Variants in PRKN observed in about 807,000 individuals in gnomAD.
PRKN encodes the protein parkin RBR E3 ubiquitin protein ligase.
A neutral mutation model predicts 59.5 loss-of-function variants in PRKN; 56 were observed. The observed-to-expected ratio is 0.94, with a 90% CI of 0.76 to 1.18. The LOEUF (loss-of-function observed/expected upper bound fraction) is 1.18. Among genes scored for constraint, PRKN ranks in the 50% most tolerant of loss-of-function variants. The pLI, the probability that PRKN is intolerant of heterozygous loss-of-function variation, is 0.00. For missense variants in PRKN, 657 were observed against 596.4 expected (o/e 1.10, Z -1.06); for synonymous variants, 250 against 222.1 (o/e 1.13, Z -1.12).
At chr6:162,075,876 T>TC (rs960208724) in intron 4 of PRKN, among the ~76,000 whole-genome samples, 1 of 151,950 alleles carries the variant, frequency 6.6e-6, no homozygotes, top group Admixed American at 6.5e-5. Flanking sequence ...CCCCATCTTT[T>TC]CACTGAACCG....
intron 4 of PRKN, among the ~76,000 whole-genome samples, chr6:162,096,559 C>A (rs1470911225): frequency 1.3e-5 from 2 of 152,136 alleles, no homozygotes; most frequent in African/African-American, 2.4e-5. Flanking sequence ...AGGCACCTGG[C>A]AGAAGATAAC....
At chr6:162,570,350 T>C (rs773216012) in intron 1 of PRKN, among the ~76,000 whole-genome samples, 5 of 152,314 alleles carry the variant, frequency 3.3e-5, no homozygotes, top group Non-Finnish European at 4.4e-5. Flanking sequence ...CCTCATATAC[T>C]GTTGGTGAAA....
At chr6:161,537,604 A>G in intron 9 of PRKN, among the ~76,000 whole-genome samples, 1 of 151,938 alleles carries the variant, frequency 6.6e-6, no homozygotes, top group Non-Finnish European at 1.5e-5. Flanking sequence ...GGCACCCGCC[A>G]CCATGCTCGG....
chr6:162,343,941 A>G (rs1562688143), intron 2 of PRKN, among the ~76,000 whole-genome samples: 1 of 152,196 alleles, frequency 6.6e-6, no homozygotes, highest in Non-Finnish European at 1.5e-5. Flanking sequence ...GTTATTTAAT[A>G]TATTAGAAAA....
At chr6:162,122,576 T>G (rs992502939) in intron 4 of PRKN, among the ~76,000 whole-genome samples, 1 of 152,086 alleles carries the variant, frequency 6.6e-6, no homozygotes, top group African/African-American at 2.4e-5. Flanking sequence ...AGTATGGCAA[T>G]GGGATCATGT....
chr6:162,397,867 T>C (rs1308109208), intron 2 of PRKN, among the ~76,000 whole-genome samples: 2 of 151,824 alleles, frequency 1.3e-5, no homozygotes, highest in Non-Finnish European at 2.9e-5. Context: ...TGAAACCCCA[T>C]CTCTAGTAAA....
intron 1 of PRKN, among the ~76,000 whole-genome samples, chr6:162,654,700 G>C (rs746323486): frequency 1.3e-5 from 2 of 152,056 alleles, no homozygotes; most frequent in Non-Finnish European, 2.9e-5. Context: ...CCTGAGACTG[G>C]GTAATTTATT....
At chr6:161,878,703 C>T (rs1583290065) in intron 6 of PRKN, among the ~76,000 whole-genome samples, 1 of 152,236 alleles carries the variant, frequency 6.6e-6, no homozygotes, top group African/African-American at 2.4e-5. Flanking sequence ...GGTGGCAGAC[C>T]CCAAAGCCAG....
intron 2 of PRKN, among the ~76,000 whole-genome samples, chr6:162,400,571 A>G (rs974888382): frequency 9.2e-5 from 14 of 152,180 alleles, no homozygotes; most frequent in African/African-American, 3.4e-4. Context: ...TTTTTTGGAA[A>G]AAACCGAACT....
At chr6:162,112,335 T>C (rs561379883) in intron 4 of PRKN, among the ~76,000 whole-genome samples, 4 of 152,330 alleles carry the variant, frequency 2.6e-5, no homozygotes, top group South Asian at 2.1e-4. Context: ...AATAATTTTA[T>C]AGGTATTCAT....
At chr6:161,902,250 T>C (rs1415756785) in intron 6 of PRKN, among the ~76,000 whole-genome samples, 1 of 152,154 alleles carries the variant, frequency 6.6e-6, no homozygotes, top group Non-Finnish European at 1.5e-5. Flanking sequence ...CATGGTCTGC[T>C]TCATCCCACT....
intron 3 of PRKN, among the ~76,000 whole-genome samples, chr6:162,232,162 T>C (rs1184264337): frequency 6.6e-6 from 1 of 152,164 alleles, no homozygotes. Context: ...ATGTAGGGTA[T>C]GAGCAGCCAC....
intron 2 of PRKN, among the ~76,000 whole-genome samples, chr6:162,339,254 C>T (rs1440733410): frequency 2.1e-5 from 3 of 144,898 alleles, no homozygotes; most frequent in Non-Finnish European, 4.6e-5. Context: ...GGGGGTCAGC[C>T]CCCCGCCCGG....
intron 1 of PRKN, among the ~76,000 whole-genome samples, chr6:162,451,367 T>TAA (rs140082933): frequency 0.19 from 19,646 of 104,462 alleles, 1,941 homozygotes; most frequent in East Asian, 0.34. Flanking sequence ...CTTAAAGGAG[T>TAA]AAAAAAAAAA....
At chr6:162,168,902 TA>T (rs1783120544) in intron 4 of PRKN, among the ~76,000 whole-genome samples, 1 of 152,196 alleles carries the variant, frequency 6.6e-6, no homozygotes, top group Admixed American at 6.5e-5. Flanking sequence ...ACATGCTATA[TA>T]AAAATGAACA....
intron 1 of PRKN, among the ~76,000 whole-genome samples, chr6:162,564,430 G>A (rs1779977384): frequency 6.6e-6 from 1 of 152,088 alleles, no homozygotes; most frequent in South Asian, 2.1e-4. Context: ...GGTAGAAAAT[G>A]TATTTAAAGG....
At chr6:162,050,686 C>A (rs1000256829) in intron 5 of PRKN, among the ~76,000 whole-genome samples, 1 of 152,118 alleles carries the variant, frequency 6.6e-6, no homozygotes, top group African/African-American at 2.4e-5. Context: ...GGCACAGGGA[C>A]CATGACCTTT....
chr6:162,545,451 C>T (rs532515898), intron 1 of PRKN, among the ~76,000 whole-genome samples: 125 of 152,152 alleles, frequency 8.2e-4, no homozygotes, highest in African/African-American at 2.9e-3. Flanking sequence ...ATAAAACATA[C>T]CAGGATTTTA....
chr6:161,740,781 T>C (rs1788153758), intron 7 of PRKN, among the ~76,000 whole-genome samples: 1 of 152,170 alleles, frequency 6.6e-6, no homozygotes. Context: ...CATTAAGGAA[T>C]TTATCAGGGC....
Sources: gnomAD v4.1 joint callset for allele counts (sites outside exome capture counted in the v4.1 genomes callset) on GRCh38, gnomAD v4.1.1 for gene constraint, MANE v1.5 for transcripts, NCBI Gene and HGNC (gene_info 2026-07-23, HGNC 2026-07-21) for gene names.